The following ADD2 variants were observed in gnomAD, a reference collection of about 807,000 sequenced individuals.
The protein encoded by ADD2 is beta-adducin.
A neutral mutation model predicts 83.0 loss-of-function variants in ADD2; 23 were observed. The ratio of observed to expected loss-of-function variants is 0.28; its 90% CI spans 0.20 to 0.39. The LOEUF is 0.39. Ranked by LOEUF, ADD2 falls within the 10% of genes least tolerant of loss-of-function variation. ADD2 has a pLI of 1.00. For synonymous variants in ADD2, 375 were observed against 375.4 expected, an observed-to-expected ratio of 1.00 and a Z score of 0.01; for missense variants, 758 against 944.9, an observed-to-expected ratio of 0.80 and a Z score of 2.59.
intron 6 of ADD2, among the ~76,000 whole-genome samples, chr2:70,693,169 C>G (rs1485847512): frequency 2.0e-5 from 3 of 152,140 alleles, no homozygotes; most frequent in African/African-American, 7.2e-5. Context: ...TGTCCTGTGT[C>G]CTGAAAGCCC....
At chr2:70,673,107 A>C in intron 14 of ADD2, 101 bp from the exon 15 acceptor site, 1 of 1,538,668 alleles carries the variant, frequency 6.5e-7, no homozygotes, top group Non-Finnish European at 8.9e-7. Flanking sequence ...TTTGGTCATC[A>C]ATCCTCCTGG....
intron 2 of ADD2, among the ~76,000 whole-genome samples, chr2:70,712,097 G>A (rs1235817556): frequency 3.3e-5 from 5 of 152,016 alleles, no homozygotes; most frequent in Admixed American, 2.0e-4. Context: ...ATGTATTTTC[G>A]CCCCCAGGAC....
chr2:70,697,479 C>T (rs1470797667), intron 4 of ADD2, among the ~76,000 whole-genome samples: 1 of 152,178 alleles, frequency 6.6e-6, no homozygotes, highest in Non-Finnish European at 1.5e-5. Flanking sequence ...AGGAAGGGAG[C>T]AGAGGGCATC....
chr2:70,720,506 C>T (rs991053440), intron 1 of ADD2, among the ~76,000 whole-genome samples: 17 of 152,208 alleles, frequency 1.1e-4, no homozygotes, highest in Admixed American at 6.5e-4. Context: ...TGTATTCTAG[C>T]GTCTCCTGCA....
intron 3 of ADD2, among the ~76,000 whole-genome samples, chr2:70,705,009 G>A (rs1372984934): frequency 6.6e-6 from 1 of 152,158 alleles, no homozygotes; most frequent in African/African-American, 2.4e-5. Flanking sequence ...CCCACCAGGT[G>A]GCAGGAGAAA....
chr2:70,696,137 C>T, intron 5 of ADD2, 108 bp downstream of exon 5: 3 of 1,440,038 alleles, frequency 2.1e-6, no homozygotes, highest in Non-Finnish European at 2.8e-6. Flanking sequence ...GCATTTTAGC[C>T]AAAGGTCACC....
intron 3 of ADD2, 108 bp from the exon 4 acceptor site, chr2:70,704,567 G>A (rs1671792916): frequency 1.4e-6 from 2 of 1,390,788 alleles, no homozygotes; most frequent in Non-Finnish European, 9.8e-7. Flanking sequence ...CTAGGTCAGG[G>A]CCATGCTCAG....
intron 1 of ADD2, among the ~76,000 whole-genome samples, chr2:70,758,786 C>A (rs571548831): frequency 6.6e-6 from 1 of 152,134 alleles, no homozygotes; most frequent in South Asian, 2.1e-4. Flanking sequence ...GGCAACAGAG[C>A]GAGACCTTGT....
At chr2:70,711,860 T>C (rs1322984851) in intron 2 of ADD2, among the ~76,000 whole-genome samples, 1 of 152,216 alleles carries the variant, frequency 6.6e-6, no homozygotes, top group East Asian at 1.9e-4. Flanking sequence ...AACTCCTAAA[T>C]TTATAGCCAA....
At position 70,677,884 on chromosome 2, in the gene ADD2, A is replaced by G. The variant is rs1670252461; in HGVS notation, c.1384-7T>C. 1 of 1,614,050 alleles carries G rather than the reference A, an allele frequency of 6.2e-7. No homozygotes were observed. On this transcript the variant is annotated splice_polypyrimidine_tract_variant and splice_region_variant and intron_variant, in intron 11 of 15. Transcript: ENST00000264436. Reference sequence around the variant, plus strand: ...CCTCGTCAGCCTTCATCCACTGCACAAACACAAGGTCATGGGGCTGAGGTG... The same window carrying G: ...CCTCGTCAGCCTTCATCCACTGCACGAACACAAGGTCATGGGGCTGAGGTG...
chr2:70,690,763 T>G (rs782078410), intron 8 of ADD2, 23 bp downstream of exon 8: 2 of 1,601,156 alleles, frequency 1.2e-6, no homozygotes, highest in East Asian at 4.5e-5. Flanking sequence ...TCTAGATTAT[T>G]GTCCCAGAAG....
intron 1 of ADD2, among the ~76,000 whole-genome samples, chr2:70,723,635 G>T (rs1553377750): frequency 6.6e-6 from 1 of 152,192 alleles, no homozygotes; most frequent in East Asian, 1.9e-4. Context: ...GCAGCCCCCA[G>T]TGCTGGTTAC....
rs181512905 is a variant in ADD2, at chr2:70,692,457, T to G, written c.651A>C (p.Ala217=). Residue 217 remains alanine, a synonymous_variant, in exon 7 of 16, where the codon GCA becomes GCC. Transcript: ENST00000264436. ...TGATGCAGCGCACGTCGGGCCTCGC[T>G]GCATAGATGGCCGAGTGCAGACAGA... ...TGFCLHSAIY[A]ARPDVRCIIH... is the part of the protein sequence containing the mutation. The G allele has an allele frequency of 1.2e-6, 2 of 1,612,624 alleles. No individual in the cohort carries two copies. The highest frequency in any genetic ancestry group is 3.3e-5 in the Admixed American group (2 of 59,842).
chr2:70,664,836 ATGAG>A (rs1367716388), intron 15 of ADD2, among the ~76,000 whole-genome samples: 1 of 150,244 alleles, frequency 6.7e-6, no homozygotes, highest in Non-Finnish European at 1.5e-5. Flanking sequence ...ATTGTTTGCC[ATGAG>A]TGTGTCTGTG....
Position 70,694,402 on chromosome 2 carries a change from C to T in ADD2, c.555+1319G>A, listed in dbSNP as rs147523295. ...ACAGAAATCTGCTTGCATTACTCCC[C>T]TGCTCGCATTTCAGTGGCTCTGAGT... On this transcript the variant is annotated intron_variant, in intron 6 of 15. Transcript: ENST00000264436. Among the ~76,000 whole-genome samples the T allele has an allele frequency of 1.2e-4, 18 of 152,270 alleles. No individual in the cohort carries two copies. In the East Asian group the frequency reaches 3.1e-3, roughly 26 times the overall value.
chr2:70,745,008 C>T (rs1460608790), intron 1 of ADD2, among the ~76,000 whole-genome samples: 21 of 152,004 alleles, frequency 1.4e-4, no homozygotes, highest in Admixed American at 1.3e-3. Context: ...GGTGAACGGC[C>T]GGGCACGGTG....
At chr2:70,673,788 G>A (rs1360121030) in intron 14 of ADD2, among the ~76,000 whole-genome samples, 1 of 152,098 alleles carries the variant, frequency 6.6e-6, no homozygotes, top group Non-Finnish European at 1.5e-5. Context: ...GTAGAGACGG[G>A]GTTTCACCAT....
At chr2:70,727,445 A>T (rs1673064200) in intron 1 of ADD2, among the ~76,000 whole-genome samples, 2 of 151,698 alleles carry the variant, frequency 1.3e-5, no homozygotes, top group African/African-American at 4.8e-5. Context: ...TCACCACTAA[A>T]CTGCCTTCTT....
chr2:70,698,705 C>A (rs1412875552), intron 4 of ADD2, among the ~76,000 whole-genome samples: 1 of 151,970 alleles, frequency 6.6e-6, no homozygotes, highest in Non-Finnish European at 1.5e-5. Context: ...TATTAGGTAT[C>A]CATTTTAAAA....
Sources: allele counts gnomAD v4.1 joint callset (sites outside exome capture counted in the v4.1 genomes callset), GRCh38; gene constraint gnomAD v4.1.1; transcripts MANE v1.5; gene names NCBI Gene and HGNC (gene_info 2026-07-23, HGNC 2026-07-21).